RORB: variants seen among roughly 807,000 people sequenced by gnomAD.
The protein encoded by RORB is RAR related orphan receptor B.
In RORB, 6 loss-of-function variants were observed where a neutral mutation model predicts 59.1. That is an observed-to-expected ratio of 0.10 (90% CI 0.06 to 0.20). The LOEUF (loss-of-function observed/expected upper bound fraction) is 0.20. Ranked by LOEUF, RORB falls within the 10% of genes least tolerant of loss-of-function variation. RORB has a pLI of 1.00. For missense variants in RORB, 320 were observed against 560.5 expected, an observed-to-expected ratio of 0.57 and a Z score of 4.33; for synonymous variants, 215 against 204.5, an observed-to-expected ratio of 1.05 and a Z score of -0.44.
chr9:74,617,771 C>G (rs1285848678), intron 1 of RORB, among the ~76,000 whole-genome samples: 4 of 152,130 alleles, frequency 2.6e-5, no homozygotes, highest in African/African-American at 9.7e-5. Context: ...GCTCCTGAAG[C>G]AATTTCTGGT....
At chr9:74,659,162 G>T (rs1220398388) in intron 4 of RORB, among the ~76,000 whole-genome samples, 2 of 152,142 alleles carry the variant, frequency 1.3e-5, no homozygotes, top group African/African-American at 2.4e-5. Flanking sequence ...CCAGGCAATG[G>T]TCTGTAGGAG....
chr9:74,634,619 T>G lies in RORB; in HGVS notation c.94-12T>G, dbSNP rs1823673111. The G allele has an allele frequency of 1.9e-6, 3 of 1,596,548 alleles. No individual in the cohort carries two copies. On this transcript the variant is annotated splice_polypyrimidine_tract_variant and intron_variant, in intron 2 of 9. Coordinates refer to ENST00000376896, the MANE Select transcript of RORB (RefSeq NM_006914.4). ...TAAATCTGTTTCCCTCCCCTTCTCT[T>G]TTTCCCTCAAGGGATTCTTTAGGAG...
intron 1 of RORB, among the ~76,000 whole-genome samples, chr9:74,629,056 G>A (rs925806119): frequency 2.6e-5 from 4 of 152,164 alleles, no homozygotes; most frequent in Non-Finnish European, 5.9e-5. Flanking sequence ...CTCTTGGCTA[G>A]GAAACTAGGA....
chr9:74,629,272 C>T (rs953578764), intron 1 of RORB, among the ~76,000 whole-genome samples: 4 of 151,090 alleles, frequency 2.6e-5, no homozygotes, highest in African/African-American at 9.7e-5. Flanking sequence ...CTGCCAAACT[C>T]ACCTTTCTAA....
At chr9:74,677,494 T>G (rs529604634) in intron 9 of RORB, among the ~76,000 whole-genome samples, 29 of 152,364 alleles carry the variant, frequency 1.9e-4, no homozygotes, top group African/African-American at 6.7e-4. Context: ...TAATTGCACC[T>G]GTTCTTTCTT....
chr9:74,617,239 C>CGGTT (rs1823328376), intron 1 of RORB, among the ~76,000 whole-genome samples: 1 of 152,172 alleles, frequency 6.6e-6, no homozygotes, highest in Admixed American at 6.6e-5. Context: ...ACAAATGGAA[C>CGGTT]AACCGTAAGT....
In RORB at chr9:74,665,380, G is replaced by A. The variant is rs181128171; in HGVS notation, c.893-108G>A. On this transcript the variant is annotated intron_variant, in intron 6 of 9. Coordinates refer to ENST00000376896, the MANE Select transcript of RORB (RefSeq NM_006914.4). Reference sequence around the variant, plus strand: ...TGTGTGTGTATGTGTCTCTCTGTGTGTTTTAAAGTTCTTGAAAGTCTCTTA... The same window carrying A: ...TGTGTGTGTATGTGTCTCTCTGTGTATTTTAAAGTTCTTGAAAGTCTCTTA... 580 of 546,100 alleles carry A rather than the reference G, an allele frequency of 1.1e-3. 4 individuals carry two copies. Among genetic ancestry groups the A allele is most frequent in the African/African-American group, 1.0e-2 (525 of 52,744 alleles). The allele number at this position is 546,100 out of a possible 1,614,324, so 33.8% of individuals were successfully genotyped here.
intron 1 of RORB, among the ~76,000 whole-genome samples, chr9:74,612,542 A>T (rs1823246790): frequency 6.6e-6 from 1 of 151,980 alleles, no homozygotes; most frequent in South Asian, 2.1e-4. Flanking sequence ...CCTGTCTCCA[A>T]CTCTGCCCTT....
intron 1 of RORB, among the ~76,000 whole-genome samples, chr9:74,605,549 G>T (rs1040062890): frequency 2.0e-5 from 3 of 152,210 alleles, no homozygotes; most frequent in Non-Finnish European, 4.4e-5. Context: ...AGAGGAAAAG[G>T]CTTCTGTAAT....
intron 1 of RORB, among the ~76,000 whole-genome samples, chr9:74,603,037 A>G (rs960308012): frequency 2.6e-5 from 4 of 152,138 alleles, no homozygotes; most frequent in South Asian, 2.1e-4. Context: ...CAGTAGGTGT[A>G]ATTTTCCTTG....
At chr9:74,633,601 A>G (rs1823653991) in intron 2 of RORB, among the ~76,000 whole-genome samples, 1 of 152,214 alleles carries the variant, frequency 6.6e-6, no homozygotes. Flanking sequence ...CAGTGAATGG[A>G]CGAATGATAA....
chr9:74,683,430 A>T (rs1824580840), intron 9 of RORB, among the ~76,000 whole-genome samples: 1 of 152,046 alleles, frequency 6.6e-6, no homozygotes, highest in Non-Finnish European at 1.5e-5. Flanking sequence ...TCAGAATGGG[A>T]CTCTGAATCA....
intron 1 of RORB, among the ~76,000 whole-genome samples, chr9:74,574,205 A>G (rs10869424): frequency 0.41 from 61,547 of 151,894 alleles, 13,674 homozygotes; most frequent in East Asian, 0.77. Context: ...ACTCACACAT[A>G]CAACTCCCAC....
chr9:74,652,668 T>G (rs1799641818), intron 4 of RORB, among the ~76,000 whole-genome samples: 1 of 152,212 alleles, frequency 6.6e-6, no homozygotes, highest in Non-Finnish European at 1.5e-5. Context: ...CTTAGAATAT[T>G]CAGGTCTGCA....
chr9:74,531,526 T>C (rs1826237896), intron 1 of RORB, among the ~76,000 whole-genome samples: 1 of 152,018 alleles, frequency 6.6e-6, no homozygotes, highest in South Asian at 2.1e-4. Context: ...TATCCCTCTG[T>C]GAAATGCAGT....
In RORB at chr9:74,692,717, C is replaced by A. The variant is rs1049995445; in HGVS notation, c.*7099C>A. On this transcript the variant is annotated 3_prime_UTR_variant, in exon 10 of 10. Coordinates refer to ENST00000376896, the MANE Select transcript of RORB (RefSeq NM_006914.4). The stretch of plus-strand genomic sequence containing the variant: ...TTAAAAGAATAATGTCTCTTATAGT[C>A]ACCATTGATTTTTCTGGAGTTTAAT... 8 of 152,156 alleles carry A rather than the reference C, an allele frequency of 5.3e-5. No individual in the cohort carries two copies. The highest frequency in any genetic ancestry group is 1.2e-4 in the Non-Finnish European group (8 of 68,040). The allele number at this position is 152,156 out of a possible 1,614,324, so 9.4% of individuals were successfully genotyped here.
intron 1 of RORB, among the ~76,000 whole-genome samples, chr9:74,593,864 C>G (rs1029392602): frequency 3.9e-5 from 6 of 152,178 alleles, no homozygotes; most frequent in Non-Finnish European, 5.9e-5. Flanking sequence ...ACCAACATTT[C>G]TACATACCTC....
intron 4 of RORB, among the ~76,000 whole-genome samples, chr9:74,654,238 G>A (rs1824041594): frequency 6.6e-6 from 1 of 151,456 alleles, no homozygotes; most frequent in Non-Finnish European, 1.5e-5. Flanking sequence ...TCCTTACATT[G>A]GACTTTCTTT....
chr9:74,562,638 G>A (rs1822411427), intron 1 of RORB, among the ~76,000 whole-genome samples: 1 of 152,126 alleles, frequency 6.6e-6, no homozygotes, highest in African/African-American at 2.4e-5. Flanking sequence ...AAGCAATAAA[G>A]GAGTTGAATG....
Sources: gnomAD v4.1 joint callset for allele counts (sites outside exome capture counted in the v4.1 genomes callset) on GRCh38, gnomAD v4.1.1 for gene constraint, MANE v1.5 for transcripts, NCBI Gene and HGNC (gene_info 2026-07-23, HGNC 2026-07-21) for gene names.